Variants in FOXN3 observed in about 807,000 individuals in gnomAD.
The protein encoded by FOXN3 is forkhead box N3.
FOXN3 carries 7 observed loss-of-function variants against 38.4 expected under a neutral mutation model. The ratio of observed to expected loss-of-function variants is 0.18; its 90% CI spans 0.10 to 0.34. FOXN3 has a LOEUF of 0.34. FOXN3 is among the 10% of genes least tolerant of loss of function. The probability of loss-of-function intolerance (pLI) is 1.00; values close to 1 mark genes in which losing one functional copy is unlikely to be tolerated. For synonymous variants in FOXN3, 230 were observed against 242.2 expected (o/e 0.95, Z 0.47); for missense variants, 456 against 613.4 (o/e 0.74, Z 2.71).
At chr14:89,232,791 A>C (rs1002801433) in intron 4 of FOXN3, among the ~76,000 whole-genome samples, 5 of 152,224 alleles carry the variant, frequency 3.3e-5, no homozygotes, top group Admixed American at 2.0e-4. Flanking sequence ...TTTCTCTGAG[A>C]GGCTGGTCTC....
chr14:89,192,815 T>C (rs761309386), intron 4 of FOXN3, among the ~76,000 whole-genome samples: 11 of 147,406 alleles, frequency 7.5e-5, no homozygotes, highest in Non-Finnish European at 1.0e-4. Flanking sequence ...ATATAAGATA[T>C]AGAAAAATAT....
At chr14:89,511,286 T>C (rs60618468) in intron 1 of FOXN3, among the ~76,000 whole-genome samples, 3,202 of 71,124 alleles carry the variant, frequency 0.045, 975 homozygotes, top group Non-Finnish European at 0.056. Context: ...TTTCTTTCTT[T>C]CTTTCTTTCT....
At chr14:89,318,960 C>A (rs974134269) in intron 3 of FOXN3, among the ~76,000 whole-genome samples, 1 of 152,196 alleles carries the variant, frequency 6.6e-6, no homozygotes, top group African/African-American at 2.4e-5. Flanking sequence ...GAAGCTATTG[C>A]AGGGAGTGTG....
chr14:89,287,499 C>A (rs1490284172), intron 3 of FOXN3, among the ~76,000 whole-genome samples: 1 of 152,112 alleles, frequency 6.6e-6, no homozygotes, highest in Non-Finnish European at 1.5e-5. Context: ...TTAACTGACA[C>A]ACTCAAGGCC....
intron 4 of FOXN3, among the ~76,000 whole-genome samples, chr14:89,231,777 A>G (rs1884818866): frequency 6.6e-6 from 1 of 152,146 alleles, no homozygotes; most frequent in South Asian, 2.1e-4. Flanking sequence ...GCTGGGGCAC[A>G]AGGCAGACAT....
chr14:89,250,294 G>T (rs1164966925), intron 4 of FOXN3, among the ~76,000 whole-genome samples: 6 of 152,128 alleles, frequency 3.9e-5, no homozygotes, highest in African/African-American at 1.2e-4. Flanking sequence ...AAATTTTGTA[G>T]AGATGGGGGT....
intron 2 of FOXN3, among the ~76,000 whole-genome samples, chr14:89,373,415 T>C (rs886117957): frequency 6.7e-6 from 1 of 149,050 alleles, no homozygotes; most frequent in African/African-American, 2.5e-5. Flanking sequence ...TCAGAGGAAG[T>C]ATTTTGCAAC....
chr14:89,245,010 A>G (rs1885249227), intron 4 of FOXN3, among the ~76,000 whole-genome samples: 2 of 152,198 alleles, frequency 1.3e-5, no homozygotes, highest in Non-Finnish European at 2.9e-5. Flanking sequence ...GGAAGTAACA[A>G]AGATACATAC....
intron 2 of FOXN3, among the ~76,000 whole-genome samples, chr14:89,362,786 C>CCAACAA (rs1566968517): frequency 8.9e-6 from 1 of 112,076 alleles, no homozygotes. Context: ...ACCACCACCA[C>CCAACAA]CACCATCTCC....
intron 1 of FOXN3, among the ~76,000 whole-genome samples, chr14:89,453,963 A>G (rs1892669787): frequency 6.6e-6 from 1 of 152,018 alleles, no homozygotes; most frequent in Non-Finnish European, 1.5e-5. Context: ...TATAAATCAG[A>G]TCGTGAGGGT....
chr14:89,352,933 G>A (rs1596206344), intron 2 of FOXN3, among the ~76,000 whole-genome samples: 1 of 152,114 alleles, frequency 6.6e-6, no homozygotes, highest in Admixed American at 6.5e-5. Flanking sequence ...AAGCTGCAGC[G>A]AGCGGAGATC....
At chr14:89,174,482 C>T (rs1199537335) in intron 5 of FOXN3, among the ~76,000 whole-genome samples, 2 of 152,146 alleles carry the variant, frequency 1.3e-5, no homozygotes, top group African/African-American at 2.4e-5. Context: ...GATCACACAA[C>T]ACAAATAGGA....
chr14:89,435,734 A>G lies in FOXN3; in HGVS notation c.-14-23244T>C, dbSNP rs1367132842. On this transcript the variant is annotated intron_variant, in intron 1 of 6. Transcript: ENST00000345097. ...TCCACAGGGATCTGATTCCACTGCC[A>G]TTTAGAGTGACTCTGGCTTCTGCCA... 2.0e-5 allele frequency among the ~76,000 whole-genome samples: 3 copies of G among 152,316 alleles called. No individual in the cohort carries two copies. In the East Asian group the frequency reaches 5.8e-4, roughly 29 times the overall value.
intron 2 of FOXN3, among the ~76,000 whole-genome samples, chr14:89,397,658 C>T (rs1891135635): frequency 6.6e-6 from 1 of 152,070 alleles, no homozygotes; most frequent in Admixed American, 6.5e-5. Context: ...TTATTTCTCT[C>T]TCTATCCCAC....
At chr14:89,500,122 G>A (rs145885209) in intron 1 of FOXN3, among the ~76,000 whole-genome samples, 5,811 of 152,106 alleles carry the variant, frequency 0.038, 355 homozygotes, top group African/African-American at 0.13. Flanking sequence ...CAAAGTGCTG[G>A]GGTTACAGGC....
intron 3 of FOXN3, among the ~76,000 whole-genome samples, chr14:89,340,528 T>G (rs1888585650): frequency 6.6e-6 from 1 of 152,196 alleles, no homozygotes; most frequent in African/African-American, 2.4e-5. Flanking sequence ...TCAGAGATGC[T>G]TTGACAAATA....
rs148888040 is a variant in FOXN3, at chr14:89,539,834, T to C, written c.-15+79194A>G. ...CCACGGCAGCTGTGCCTTCTGATAC[T>C]AAAACAAAAATATATTCAACTTCAA... is the stretch of plus-strand genomic sequence containing the variant. On this transcript the variant is annotated intron_variant, in intron 1 of 6. Coordinates refer to the FOXN3 transcript ENST00000345097. Among the ~76,000 whole-genome samples the C allele has an allele frequency of 2.5e-3, 388 of 152,178 alleles. 4 individuals carry two copies. The highest frequency in any genetic ancestry group is 0.014 in the Middle Eastern group (4 of 294).
intron 5 of FOXN3, among the ~76,000 whole-genome samples, chr14:89,168,560 C>T (rs1393666409): frequency 1.3e-5 from 2 of 152,184 alleles, no homozygotes; most frequent in Non-Finnish European, 2.9e-5. Flanking sequence ...CCTGAAGATA[C>T]TACATAAAAT....
intron 5 of FOXN3, among the ~76,000 whole-genome samples, chr14:89,166,502 C>G (rs1273213392): frequency 2.0e-5 from 3 of 152,090 alleles, no homozygotes; most frequent in South Asian, 2.1e-4. Flanking sequence ...TCAGAGAGCC[C>G]CATGGTTGTT....
Sources: allele counts gnomAD v4.1 joint callset (sites outside exome capture counted in the v4.1 genomes callset), GRCh38; gene constraint gnomAD v4.1.1; transcripts MANE v1.5; gene names NCBI Gene and HGNC (gene_info 2026-07-23, HGNC 2026-07-21).